The following BTRC variants were observed in gnomAD, a reference collection of about 807,000 sequenced individuals.
BTRC encodes the protein beta-transducin repeat containing E3 ubiquitin protein ligase, also known as F-box/WD repeat-containing protein 1A.
BTRC carries 42 observed loss-of-function variants against 85.5 expected under a neutral mutation model. That is an observed-to-expected ratio of 0.49 (90% confidence interval 0.38 to 0.64). BTRC has a LOEUF of 0.64. Among genes scored for constraint, BTRC ranks in the 30% least tolerant of loss-of-function variants. The pLI, the probability that BTRC is intolerant of heterozygous loss-of-function variation, is 0.00. For missense variants in BTRC, 594 were observed against 743.5 expected, an observed-to-expected ratio of 0.80 and a Z score of 2.34; for synonymous variants, 255 against 263.3, an observed-to-expected ratio of 0.97 and a Z score of 0.30.
intron 3 of BTRC, among the ~76,000 whole-genome samples, chr10:101,475,592 T>G (rs936571526): frequency 6.6e-6 from 1 of 151,788 alleles, no homozygotes; most frequent in Non-Finnish European, 1.5e-5. Context: ...CGATGGGGAG[T>G]TATATATCTC....
chr10:101,515,236 G>A (rs1193317620), intron 4 of BTRC, among the ~76,000 whole-genome samples: 1 of 152,110 alleles, frequency 6.6e-6, no homozygotes, highest in African/African-American at 2.4e-5. Flanking sequence ...GATTACAGGT[G>A]TGAGCCACCA....
At chr10:101,507,749 T>C (rs1049707936) in intron 4 of BTRC, among the ~76,000 whole-genome samples, 111 of 152,366 alleles carry the variant, frequency 7.3e-4, no homozygotes, top group African/African-American at 2.6e-3. Context: ...CCATTAACGA[T>C]AACAAGTTTA....
intron 2 of BTRC, among the ~76,000 whole-genome samples, chr10:101,448,755 A>C (rs1193756322): frequency 6.6e-6 from 1 of 152,096 alleles, no homozygotes; most frequent in African/African-American, 2.4e-5. Flanking sequence ...AATAAGGAGT[A>C]TAATTAGTCT....
intron 1 of BTRC, among the ~76,000 whole-genome samples, chr10:101,361,712 C>T (rs1942212264): frequency 6.6e-6 from 1 of 152,094 alleles, no homozygotes; most frequent in South Asian, 2.1e-4. Flanking sequence ...TTTCCCATAG[C>T]CTGATTGAGA....
rs1278144714 is a variant in BTRC, at chr10:101,366,992, ATT to A, written c.48+12765_48+12766del. On this transcript the variant is annotated intron_variant, in intron 1 of 14. Transcript: ENST00000370187. ...AATATATATTTATATATTTATATAT[ATT>A]AATATATATATTTATATATATATTT... Among the ~76,000 whole-genome samples the A allele has an allele frequency of 5.8e-4, 20 of 34,252 alleles. 4 individuals are homozygous for A. The highest frequency in any genetic ancestry group is 1.5e-3 in the African/African-American group (19 of 12,540). 22.5% of individuals were successfully genotyped at this position (34,252 alleles called of 152,430 possible). A position where few individuals can be genotyped will look rare whatever the true frequency, so the allele number is the denominator to read the frequency against.
intron 4 of BTRC, among the ~76,000 whole-genome samples, chr10:101,499,023 T>C (rs1218196786): frequency 6.6e-6 from 1 of 151,736 alleles, no homozygotes; most frequent in Non-Finnish European, 1.5e-5. Context: ...ATAATAATAA[T>C]AGCCACCTTT....
chr10:101,448,031 A>G (rs184851959), intron 2 of BTRC, among the ~76,000 whole-genome samples: 25 of 152,274 alleles, frequency 1.6e-4, no homozygotes, highest in African/African-American at 6.0e-4. Context: ...CTTTAAATCG[A>G]AGATAGTTAC....
At chr10:101,499,239 G>C (rs1946342604) in intron 4 of BTRC, among the ~76,000 whole-genome samples, 1 of 151,986 alleles carries the variant, frequency 6.6e-6, no homozygotes, top group Non-Finnish European at 1.5e-5. Flanking sequence ...CTGACACTAT[G>C]CAGTACTACC....
At chr10:101,540,207 T>A (rs1050355544) in intron 13 of BTRC, among the ~76,000 whole-genome samples, 2 of 152,188 alleles carry the variant, frequency 1.3e-5, no homozygotes, top group Non-Finnish European at 2.9e-5. Flanking sequence ...TAATCCAGAG[T>A]CACAAGGATT....
chr10:101,394,217 T>C (rs1943307680), intron 1 of BTRC, among the ~76,000 whole-genome samples: 1 of 152,232 alleles, frequency 6.6e-6, no homozygotes, highest in Non-Finnish European at 1.5e-5. Context: ...AATGTATTCT[T>C]TCAATTTGGA....
chr10:101,493,950 T>C (rs771087933), intron 4 of BTRC, among the ~76,000 whole-genome samples: 8 of 152,118 alleles, frequency 5.3e-5, no homozygotes, highest in Admixed American at 5.2e-4. Context: ...TCAAATAGCT[T>C]TTCTGTCATG....
chr10:101,463,607 G>A (rs758985463), intron 3 of BTRC, among the ~76,000 whole-genome samples: 29 of 152,040 alleles, frequency 1.9e-4, no homozygotes, highest in Non-Finnish European at 3.8e-4. Flanking sequence ...AGCACCCACC[G>A]TGAACATGAT....
At chr10:101,378,205 G>C (rs1183219522) in intron 1 of BTRC, among the ~76,000 whole-genome samples, 2 of 152,050 alleles carry the variant, frequency 1.3e-5, no homozygotes, top group African/African-American at 4.8e-5. Flanking sequence ...ATCATCCCAA[G>C]CAGCAGTCTG....
intron 1 of BTRC, among the ~76,000 whole-genome samples, chr10:101,392,308 G>C (rs1369045019): frequency 2.0e-5 from 3 of 152,106 alleles, no homozygotes; most frequent in Non-Finnish European, 4.4e-5. Flanking sequence ...GCACACTTAA[G>C]TTTTTTGCAA....
chr10:101,382,124 A>G (rs1462901420), intron 1 of BTRC, among the ~76,000 whole-genome samples: 7 of 151,430 alleles, frequency 4.6e-5, no homozygotes, highest in Non-Finnish European at 8.8e-5. Context: ...CTGTTATTAC[A>G]GGCACCTGCC....
At chr10:101,385,615 C>CTTTTTTTTTTTTTTTTTT (rs146804594) in intron 1 of BTRC, among the ~76,000 whole-genome samples, 16 of 48,892 alleles carry the variant, frequency 3.3e-4, no homozygotes, top group East Asian at 1.6e-3. Flanking sequence ...CTTTCTTCTT[C>CTTTTTTTTTTTTTTTTTT]TTCTTTTTTT....
intron 1 of BTRC, among the ~76,000 whole-genome samples, chr10:101,359,381 A>G (rs1184447934): frequency 6.6e-6 from 1 of 151,924 alleles, no homozygotes; most frequent in Non-Finnish European, 1.5e-5. Context: ...GGGTACTCTT[A>G]TAGGTGTTGG....
chr10:101,371,824 C>T (rs1453142182), intron 1 of BTRC, among the ~76,000 whole-genome samples: 1 of 152,028 alleles, frequency 6.6e-6, no homozygotes, highest in African/African-American at 2.4e-5. Context: ...AGGTAGACGT[C>T]AGCATTCTTT....
At chr10:101,415,050 G>A (rs1485419252) in intron 1 of BTRC, among the ~76,000 whole-genome samples, 1 of 152,144 alleles carries the variant, frequency 6.6e-6, no homozygotes, top group Non-Finnish European at 1.5e-5. Context: ...AAAGTCTATA[G>A]TAGTGTACAA....
Sources: allele counts gnomAD v4.1 joint callset (sites outside exome capture counted in the v4.1 genomes callset), GRCh38; gene constraint gnomAD v4.1.1; transcripts MANE v1.5; gene names NCBI Gene and HGNC (gene_info 2026-07-23, HGNC 2026-07-21).